Variants in SENP8 observed in about 807,000 individuals in gnomAD.
The protein encoded by SENP8 is SUMO peptidase family member, NEDD8 specific.
Under a neutral mutation model 14.4 loss-of-function variants are expected in SENP8, and 10 were observed. The observed-to-expected ratio is 0.69, with a 90% CI of 0.43 to 1.18. SENP8 has a LOEUF of 1.18. Ranked by LOEUF, SENP8 falls within the 50% of genes most tolerant of loss-of-function variation. The probability of loss-of-function intolerance (pLI) is 0.00; values close to 1 mark genes in which losing one functional copy is unlikely to be tolerated. For missense variants in SENP8, 202 were observed against 249.4 expected, an observed-to-expected ratio of 0.81 and a Z score of 1.28; for synonymous variants, 94 against 95.5, an observed-to-expected ratio of 0.98 and a Z score of 0.09.
Position 72,122,729 on chromosome 15 carries a change from C to T in SENP8, c.-48+4265C>T, listed in dbSNP as rs528163423. On this transcript the variant is annotated intron_variant, in intron 1 of 1. Coordinates refer to ENST00000340912, the MANE Select transcript of SENP8 (RefSeq NM_145204.4). ...AGGTTCAGCTATCTGACACCTTTTG[C>T]GGGAGGAGGAGGAGTGGGTCTATCT... is the stretch of plus-strand genomic sequence containing the variant. Among the ~76,000 whole-genome samples the T allele has an allele frequency of 1.3e-3, 196 of 152,168 alleles. 2 individuals carry two copies. The highest frequency in any genetic ancestry group is 4.3e-3 in the African/African-American group (179 of 41,526).
upstream of SENP8, chr15:72,117,934 T>C: frequency 7.5e-6 from 3 of 400,564 alleles, no homozygotes; most frequent in Non-Finnish European, 1.3e-5. Context: ...AGAGCACGCG[T>C]TGGACCGCCG....
At chr15:72,118,223 T>C, upstream of SENP8, 1 of 334,240 alleles carries the variant, frequency 3.0e-6, no homozygotes, top group Admixed American at 5.0e-5. Context: ...GTGACGCCAC[T>C]GGAGAGTACA....
At chr15:72,119,377 G>GTGAC in intron 1 of SENP8, among the ~76,000 whole-genome samples, 1 of 152,326 alleles carries the variant, frequency 6.6e-6, no homozygotes, top group Non-Finnish European at 1.5e-5. Context: ...AGCTCCACAG[G>GTGAC]TGACTCTAAT....
At chr15:72,138,781 C>G (rs182260555) in intron 1 of SENP8, among the ~76,000 whole-genome samples, 1 of 150,758 alleles carries the variant, frequency 6.6e-6, no homozygotes, top group Non-Finnish European at 1.5e-5. Context: ...GCTGATATGG[C>G]GAAACCCTGT....
upstream of SENP8, among the ~76,000 whole-genome samples, chr15:72,115,509 C>A (rs1275181000): frequency 6.6e-6 from 1 of 152,150 alleles, no homozygotes; most frequent in African/African-American, 2.4e-5. Flanking sequence ...TCTCCCCAAC[C>A]CCAAATACAA....
intron 1 of SENP8, among the ~76,000 whole-genome samples, chr15:72,132,330 G>C (rs2081280834): frequency 1.3e-5 from 2 of 151,856 alleles, no homozygotes; most frequent in South Asian, 4.2e-4. Flanking sequence ...GAACAATAAA[G>C]GATAACAGGC....
At chr15:72,116,090 T>A (rs919854139), upstream of SENP8, among the ~76,000 whole-genome samples, 2 of 152,192 alleles carry the variant, frequency 1.3e-5, no homozygotes, top group African/African-American at 4.8e-5. Context: ...ATGTGTAGGT[T>A]TATATATTGG....
At chr15:72,129,251 C>T (rs1412150233) in intron 1 of SENP8, among the ~76,000 whole-genome samples, 2 of 152,060 alleles carry the variant, frequency 1.3e-5, no homozygotes, top group African/African-American at 2.4e-5. Flanking sequence ...AGATTGAGTC[C>T]AGGTGAGGTA....
intron 1 of SENP8, among the ~76,000 whole-genome samples, chr15:72,126,582 G>T (rs750149229): frequency 6.6e-6 from 1 of 151,940 alleles, no homozygotes; most frequent in Non-Finnish European, 1.5e-5. Flanking sequence ...CCGAGATTGC[G>T]CCACTACACT....
upstream of SENP8, chr15:72,118,122 C>T (rs566220011): frequency 7.0e-4 from 271 of 384,870 alleles, 2 homozygotes; most frequent in African/African-American, 4.8e-3. Context: ...CGCGCGACTC[C>T]CCGGCTGCAG....
At chr15:72,116,222 T>G (rs2080971135), upstream of SENP8, among the ~76,000 whole-genome samples, 1 of 152,224 alleles carries the variant, frequency 6.6e-6, no homozygotes, top group South Asian at 2.1e-4. Flanking sequence ...TCCGAAACTT[T>G]TGGCTTTTAC....
At chr15:72,135,662 T>G (rs1018850134) in intron 1 of SENP8, among the ~76,000 whole-genome samples, 2 of 152,240 alleles carry the variant, frequency 1.3e-5, no homozygotes, top group Non-Finnish European at 2.9e-5. Flanking sequence ...GGAGTTAAAC[T>G]TGCTGTCATG....
At chr15:72,135,134 T>G (rs2081314481) in intron 1 of SENP8, 2 of 207,346 alleles carry the variant, frequency 9.6e-6, no homozygotes, top group South Asian at 1.3e-4. Flanking sequence ...CAATCTCAGC[T>G]CACTGCAACC....
intron 1 of SENP8, among the ~76,000 whole-genome samples, chr15:72,130,797 A>G (rs1224567651): frequency 6.6e-6 from 1 of 152,120 alleles, no homozygotes; most frequent in African/African-American, 2.4e-5. Flanking sequence ...TCCCGACCTC[A>G]GGTGATCCGC....
At chr15:72,125,729 C>T (rs2081211298) in intron 1 of SENP8, among the ~76,000 whole-genome samples, 1 of 152,172 alleles carries the variant, frequency 6.6e-6, no homozygotes, top group East Asian at 1.9e-4. Flanking sequence ...GCCAAACTCT[C>T]GTTAGCCTCT....
intron 1 of SENP8, among the ~76,000 whole-genome samples, chr15:72,131,720 A>AT (rs1240352128): frequency 1.3e-5 from 2 of 152,246 alleles, no homozygotes; most frequent in African/African-American, 4.8e-5. Flanking sequence ...CTGACAACAC[A>AT]TTAACATCAT....
intron 1 of SENP8, among the ~76,000 whole-genome samples, chr15:72,132,485 T>G (rs1488655116): frequency 2.0e-5 from 3 of 152,132 alleles, no homozygotes; most frequent in East Asian, 1.9e-4. Context: ...GCACTTCAGA[T>G]ATGCCAGGCA....
chr15:72,123,541 CTT>C (rs71438550), intron 1 of SENP8, among the ~76,000 whole-genome samples: 19 of 140,756 alleles, frequency 1.3e-4, no homozygotes, highest in Non-Finnish European at 1.1e-4. Context: ...ACAAATGGAA[CTT>C]TTTTTTTTTT....
chr15:72,130,614 A>G (rs1271476632), intron 1 of SENP8, among the ~76,000 whole-genome samples: 2 of 123,918 alleles, frequency 1.6e-5, no homozygotes, highest in African/African-American at 6.3e-5. Context: ...CCCAGGCTGG[A>G]GTGCAATGGC....
Sources: allele counts gnomAD v4.1 joint callset (sites outside exome capture counted in the v4.1 genomes callset), GRCh38; gene constraint gnomAD v4.1.1; transcripts MANE v1.5; gene names NCBI Gene and HGNC (gene_info 2026-07-23, HGNC 2026-07-21).